MTUS2: variants seen among roughly 807,000 people sequenced by gnomAD.
MTUS2 encodes the protein microtubule-associated tumor suppressor candidate 2.
In MTUS2, 40 loss-of-function variants were observed where a neutral mutation model predicts 114.1. The observed-to-expected ratio is 0.35, with a 90% CI of 0.27 to 0.46. The LOEUF is 0.46. MTUS2 is among the 20% of genes least tolerant of loss of function. MTUS2 has a pLI of 1.00. For missense variants in MTUS2, 1,679 were observed against 1,705.4 expected (o/e 0.98, Z 0.27); for synonymous variants, 688 against 672.0 (o/e 1.02, Z -0.37).
intron 8 of MTUS2, among the ~76,000 whole-genome samples, chr13:29,394,423 T>G (rs1189736546): frequency 2.0e-5 from 3 of 152,170 alleles, no homozygotes; most frequent in African/African-American, 7.2e-5. Flanking sequence ...TTTAAGTTAC[T>G]ATCTAAAGAT....
chr13:28,919,471 A>G (rs990994789), intron 2 of MTUS2, among the ~76,000 whole-genome samples: 8 of 150,512 alleles, frequency 5.3e-5, no homozygotes, highest in African/African-American at 2.0e-4. Context: ...TATATTATTT[A>G]TTTTTCCTGC....
At position 29,369,829 on chromosome 13, in the gene MTUS2, A is replaced by G. The variant is rs140243118; in HGVS notation, c.3117+10356A>G. 6.3e-3 allele frequency among the ~76,000 whole-genome samples: 962 copies of G among 152,304 alleles called. 4 individuals are homozygous for G. The highest frequency in any genetic ancestry group is 6.1e-3 in the Non-Finnish European group (415 of 68,036). ...GACAAAATAGATAGGAGGTGATATT[A>G]TTTCTCAAATTCTTCTTCAATAATA... On this transcript the variant is annotated intron_variant, in intron 8 of 15. Coordinates refer to ENST00000612955, the MANE Select transcript of MTUS2 (RefSeq NM_001033602.4).
At chr13:29,054,625 A>G (rs326514) in intron 4 of MTUS2, among the ~76,000 whole-genome samples, 55,012 of 151,946 alleles carry the variant, frequency 0.36, 10,120 homozygotes, top group Admixed American at 0.4. Context: ...CTGTTGAACT[A>G]TATAATTAGA....
rs149766503 is a variant in MTUS2, at chr13:29,041,852, T to C, written c.2446+7727T>C. On this transcript the variant is annotated intron_variant, in intron 4 of 15. Coordinates refer to ENST00000612955, the MANE Select transcript of MTUS2 (RefSeq NM_001033602.4). Reference sequence around the variant, plus strand: ...CATTGCTGAATTCATTTATCAGTTCTAAGAGCTTTTAGGATGAGGCTTTAG... The same window carrying C: ...CATTGCTGAATTCATTTATCAGTTCCAAGAGCTTTTAGGATGAGGCTTTAG... Among the ~76,000 whole-genome samples, 71 of 152,316 alleles carry C rather than the reference T, an allele frequency of 4.7e-4. 2 individuals are homozygous for C. In the East Asian group the frequency reaches 0.011, roughly 24 times the overall value.
chr13:29,362,213 G>A (rs755899363), intron 8 of MTUS2, among the ~76,000 whole-genome samples: 2 of 152,184 alleles, frequency 1.3e-5, no homozygotes, highest in African/African-American at 2.4e-5. Flanking sequence ...TCAAACTCCT[G>A]GCCTCAAGTG....
rs79990367 is a variant in MTUS2 at position 29,010,528 on chromosome 13, C to G, written c.-242-13929C>G. Among the ~76,000 whole-genome samples the G allele has an allele frequency of 2.3e-4, 35 of 152,198 alleles. No individual in the cohort carries two copies. The East Asian group carries it at 6.6e-3, about 29-fold the overall frequency. ...ACGTCCTTGGCCTACAGGGCTCTGGCCTTTTCTAGGCTAGGACCCCTTTCC... is the reference window on the plus strand; with the variant it reads ...ACGTCCTTGGCCTACAGGGCTCTGGGCTTTTCTAGGCTAGGACCCCTTTCC... On this transcript the variant is annotated intron_variant, in intron 2 of 15. Coordinates refer to ENST00000612955, the MANE Select transcript of MTUS2 (RefSeq NM_001033602.4).
Position 29,503,179 on chromosome 13 carries a change from G to C in MTUS2, c.4083G>C (p.Pro1361=), listed in dbSNP as rs200623452. 2.9e-4 allele frequency: 464 copies of C among 1,614,000 alleles called. No homozygotes were observed. In the African/African-American group the frequency reaches 5.3e-3, roughly 18 times the overall value. The change falls in exon 16 of 16, where the codon CCG becomes CCC. Residue 1361 remains proline, a synonymous_variant. Coordinates refer to ENST00000612955, the MANE Select transcript of MTUS2 (RefSeq NM_001033602.4). ...GCTCCTCCTCGGGGCCCTCCTCTCC[G>C]GCCAGAGTCAGCACAACACCCAGAT... is the stretch of plus-strand genomic sequence containing the variant. ...YRGSSSGPSS[P]ARVSTTPR
intron 5 of MTUS2, among the ~76,000 whole-genome samples, chr13:29,231,958 T>A (rs1249995783): frequency 6.6e-6 from 1 of 152,172 alleles, no homozygotes; most frequent in East Asian, 1.9e-4. Context: ...TGCTTTAATA[T>A]GAGGATATAA....
At chr13:29,041,700 GTTTA>G (rs1271335812) in intron 4 of MTUS2, among the ~76,000 whole-genome samples, 3 of 151,876 alleles carry the variant, frequency 2.0e-5, no homozygotes, top group African/African-American at 4.8e-5. Context: ...GTTCTGTTGT[GTTTA>G]TTTGTTTGTT....
chr13:28,828,957 A>G (rs889053446), intron 1 of MTUS2, among the ~76,000 whole-genome samples: 1 of 152,190 alleles, frequency 6.6e-6, no homozygotes, highest in South Asian at 2.1e-4. Context: ...TCCTAAAAAT[A>G]TTGCATTAAT....
chr13:29,253,183 T>C (rs1388658135), intron 5 of MTUS2, among the ~76,000 whole-genome samples: 2 of 151,926 alleles, frequency 1.3e-5, no homozygotes, highest in African/African-American at 2.4e-5. Context: ...TCTAGCACTT[T>C]GGGAGGCCGA....
At chr13:28,885,261 A>G (rs1878525579) in intron 2 of MTUS2, among the ~76,000 whole-genome samples, 2 of 152,214 alleles carry the variant, frequency 1.3e-5, no homozygotes, top group East Asian at 1.9e-4. Flanking sequence ...GTGTTCAACT[A>G]GATTTAAAAA....
At chr13:29,058,316 T>C (rs1888236991) in intron 4 of MTUS2, among the ~76,000 whole-genome samples, 1 of 151,876 alleles carries the variant, frequency 6.6e-6, no homozygotes, top group Admixed American at 6.6e-5. Context: ...AATTTGAATA[T>C]TGGCCTCTCT....
At chr13:28,891,138 A>T (rs974684133) in intron 2 of MTUS2, among the ~76,000 whole-genome samples, 2 of 152,180 alleles carry the variant, frequency 1.3e-5, no homozygotes, top group Non-Finnish European at 2.9e-5. Flanking sequence ...TTGTCTGAGG[A>T]CATGTGGGAT....
At chr13:29,115,793 A>G (rs1156584252) in intron 5 of MTUS2, among the ~76,000 whole-genome samples, 2 of 152,228 alleles carry the variant, frequency 1.3e-5, no homozygotes, top group Non-Finnish European at 2.9e-5. Flanking sequence ...TAATTAATTT[A>G]CTTGTTTGGG....
intron 1 of MTUS2, among the ~76,000 whole-genome samples, chr13:28,837,534 A>T (rs1051677275): frequency 6.6e-6 from 1 of 152,158 alleles, no homozygotes; most frequent in Non-Finnish European, 1.5e-5. Context: ...GCCTCATTGA[A>T]ATGGTACCTG....
chr13:29,215,323 G>A (rs1304885079), intron 5 of MTUS2, among the ~76,000 whole-genome samples: 2 of 151,838 alleles, frequency 1.3e-5, no homozygotes, highest in African/African-American at 4.8e-5. Flanking sequence ...CTTTAGCTTG[G>A]AGGAGTTAGT....
chr13:29,185,511 A>G (rs1385209936), intron 5 of MTUS2, among the ~76,000 whole-genome samples: 2 of 152,212 alleles, frequency 1.3e-5, no homozygotes, highest in African/African-American at 4.8e-5. Flanking sequence ...ATCTGAATAC[A>G]AGGAGAGAAT....
intron 5 of MTUS2, among the ~76,000 whole-genome samples, chr13:29,226,329 G>T (rs779430188): frequency 2.0e-5 from 3 of 152,126 alleles, no homozygotes; most frequent in Non-Finnish European, 2.9e-5. Context: ...AACTTAGGTG[G>T]CTTTTCATAT....
Sources: gnomAD v4.1 joint callset for allele counts (sites outside exome capture counted in the v4.1 genomes callset) on GRCh38, gnomAD v4.1.1 for gene constraint, MANE v1.5 for transcripts, NCBI Gene and HGNC (gene_info 2026-07-23, HGNC 2026-07-21) for gene names.